SOX5: variants seen among roughly 807,000 people sequenced by gnomAD.
SOX5 encodes the protein SRY-box transcription factor 5, also known as transcription factor SOX-5.
SOX5 carries 9 observed loss-of-function variants against 92.0 expected under a neutral mutation model. The observed-to-expected ratio is 0.10, with a 90% CI of 0.06 to 0.17. The LOEUF is 0.17. Ranked by LOEUF, SOX5 falls within the 10% of genes least tolerant of loss-of-function variation. SOX5 has a pLI of 1.00. For synonymous variants in SOX5, 344 were observed against 336.3 expected, an observed-to-expected ratio of 1.02 and a Z score of -0.25; for missense variants, 642 against 944.5, an observed-to-expected ratio of 0.68 and a Z score of 4.20.
chr12:24,045,731 T>A (rs2137049543), intron 4 of SOX5, among the ~76,000 whole-genome samples: 1 of 152,324 alleles, frequency 6.6e-6, no homozygotes, highest in Middle Eastern at 3.4e-3. Flanking sequence ...AACCAGTATG[T>A]ATGGTGGCAG....
chr12:23,653,598 G>A (rs1231066602), intron 7 of SOX5, among the ~76,000 whole-genome samples: 8 of 151,968 alleles, frequency 5.3e-5, no homozygotes, highest in South Asian at 2.1e-4. Context: ...TCTGGAGGCC[G>A]GGAAGCCCAA....
At chr12:23,958,295 A>C (rs1343112795) in intron 4 of SOX5, among the ~76,000 whole-genome samples, 1 of 152,064 alleles carries the variant, frequency 6.6e-6, no homozygotes. Flanking sequence ...CATACTGAGA[A>C]AAAAGGAAAG....
At chr12:23,830,976 CTT>C (rs1317061973) in intron 3 of SOX5, among the ~76,000 whole-genome samples, 4 of 152,088 alleles carry the variant, frequency 2.6e-5, no homozygotes, top group African/African-American at 9.7e-5. Context: ...AGGGGCCTGT[CTT>C]TGCTACAGAA....
intron 8 of SOX5, among the ~76,000 whole-genome samples, chr12:23,621,073 C>T (rs1332808841): frequency 6.6e-6 from 1 of 152,010 alleles, no homozygotes; most frequent in Admixed American, 6.6e-5. Context: ...TAATTGAGAA[C>T]TTATACATCC....
intron 2 of SOX5, among the ~76,000 whole-genome samples, chr12:23,856,200 A>C (rs2096687268): frequency 1.3e-5 from 2 of 152,120 alleles, no homozygotes; most frequent in Non-Finnish European, 2.9e-5. Context: ...ACAATCACTG[A>C]GATAGTCGTT....
chr12:23,855,781 T>C (rs1162585209), intron 2 of SOX5, among the ~76,000 whole-genome samples: 5 of 152,150 alleles, frequency 3.3e-5, no homozygotes, highest in Non-Finnish European at 7.4e-5. Flanking sequence ...GGAATTTCTC[T>C]GAGAATTATA....
chr12:24,140,431 T>C (rs545436910), intron 4 of SOX5, among the ~76,000 whole-genome samples: 60 of 151,360 alleles, frequency 4.0e-4, no homozygotes, highest in Non-Finnish European at 8.5e-4. Flanking sequence ...AAAAATAACA[T>C]GTGGATTTTA....
chr12:23,946,202 A>G (rs1944564077), intron 1 of SOX5, among the ~76,000 whole-genome samples: 1 of 152,116 alleles, frequency 6.6e-6, no homozygotes, highest in Non-Finnish European at 1.5e-5. Flanking sequence ...GTCTGCACCA[A>G]TTTGGGAGAA....
At chr12:24,418,367 C>T (rs944375035) in intron 1 of SOX5, among the ~76,000 whole-genome samples, 2 of 152,190 alleles carry the variant, frequency 1.3e-5, no homozygotes, top group Non-Finnish European at 2.9e-5. Context: ...TAAATCCAGG[C>T]CTAAGCCACT....
chr12:23,681,340 TAAAAG>T (rs1009190363), intron 6 of SOX5, among the ~76,000 whole-genome samples: 2 of 151,362 alleles, frequency 1.3e-5, no homozygotes, highest in African/African-American at 4.8e-5. Context: ...TACATAAAAA[TAAAAG>T]AAAATAGACA....
intron 2 of SOX5, among the ~76,000 whole-genome samples, chr12:23,892,109 A>G (rs2097135254): frequency 6.6e-6 from 1 of 152,206 alleles, no homozygotes; most frequent in South Asian, 2.1e-4. Context: ...AAAGGCAGAC[A>G]TGTAAATAAA....
At chr12:24,136,630 G>C (rs1477969921) in intron 4 of SOX5, among the ~76,000 whole-genome samples, 1 of 152,148 alleles carries the variant, frequency 6.6e-6, no homozygotes, top group Non-Finnish European at 1.5e-5. Context: ...GCAGTGAGGG[G>C]GAAGGTGGGG....
rs2074978780 is a variant in SOX5 at position 23,604,430 on chromosome 12, A to C, written c.1121T>G (p.Ile374Ser). ...NLGAAVSPTSIHTDKSTNSPP... is the reference protein window; with the variant it reads ...NLGAAVSPTSSHTDKSTNSPP... ...GCTGTTTGTGCTCTTGTCTGTGTGA[A>C]TGCTGGTAGGAGATACAGCAGCACC... Residue 374 changes from isoleucine (I) to serine (S), a missense_variant, in exon 9 of 15, where the codon ATT becomes AGT. Transcript: ENST00000451604. The C allele has an allele frequency of 6.2e-7, 1 of 1,613,682 alleles. No individual in the cohort carries two copies. The highest frequency in any genetic ancestry group is 1.1e-5 in the South Asian group (1 of 91,078).
intron 3 of SOX5, among the ~76,000 whole-genome samples, chr12:24,219,274 A>G (rs1299189223): frequency 6.6e-6 from 1 of 152,090 alleles, no homozygotes; most frequent in Non-Finnish European, 1.5e-5. Context: ...ACAATAATTT[A>G]TTATATATTT....
intron 14 of SOX5, 149 bp from the exon 15 acceptor site, chr12:23,534,671 T>G (rs561913367): frequency 2.4e-5 from 15 of 628,792 alleles, no homozygotes; most frequent in Non-Finnish European, 4.1e-5. Context: ...TCCATCCTAC[T>G]TGAACTTTAA....
chr12:24,363,660 C>T (rs1402243965), intron 2 of SOX5, among the ~76,000 whole-genome samples: 1 of 151,670 alleles, frequency 6.6e-6, no homozygotes, highest in African/African-American at 2.4e-5. Flanking sequence ...TTTAACCCAA[C>T]TTTCCCCCTA....
intron 3 of SOX5, among the ~76,000 whole-genome samples, chr12:23,797,182 C>G (rs2095579247): frequency 6.6e-6 from 1 of 151,740 alleles, no homozygotes; most frequent in Admixed American, 6.6e-5. Context: ...TAGTTGAACT[C>G]TTGAAAAATA....
intron 4 of SOX5, among the ~76,000 whole-genome samples, chr12:24,127,324 G>A (rs1651795663): frequency 6.6e-6 from 1 of 151,402 alleles, no homozygotes; most frequent in South Asian, 2.1e-4. Flanking sequence ...CCAGGAGGTG[G>A]GTTCAGCTGT....
Position 23,563,311 on chromosome 12 carries a change from C to T in SOX5, c.1435G>A (p.Gly479Arg), listed in dbSNP as rs960652047. 6.2e-7 allele frequency: 1 copy of T among 1,613,946 alleles called. No homozygotes were observed. Among genetic ancestry groups the T allele is most frequent in the Non-Finnish European group, 8.5e-7 (1 of 1,179,934 alleles). ...QLRREQQVLDGKVAVVNSLGL... is the reference protein window; with the variant it reads ...QLRREQQVLDRKVAVVNSLGL... ...AGACTATTCACAACAGCCACCTTCCCATCAAGCACCTGTTGTTCCCGTCGG... is the reference window on the plus strand; with the variant it reads ...AGACTATTCACAACAGCCACCTTCCTATCAAGCACCTGTTGTTCCCGTCGG... The change falls in exon 11 of 15, where the codon GGG becomes AGG. Residue 479 changes from glycine to arginine, a missense_variant. Around this residue, in one of 8 missense-constraint regions of SOX5, gnomAD observed 324 missense variants for 461.6 expected, o/e 0.70. Coordinates refer to ENST00000451604, the MANE Select transcript of SOX5 (RefSeq NM_006940.6).
Sources: allele counts gnomAD v4.1 joint callset (sites outside exome capture counted in the v4.1 genomes callset), GRCh38; gene constraint gnomAD v4.1.1; regional missense constraint gnomAD v4.1.1; transcripts MANE v1.5; gene names NCBI Gene and HGNC (gene_info 2026-07-23, HGNC 2026-07-21).